The following ERC1 variants were observed in gnomAD, a reference collection of about 807,000 sequenced individuals.
ERC1 encodes RAB6 interacting protein 2.
Under a neutral mutation model 132.0 loss-of-function variants are expected in ERC1, and 56 were observed. That is an observed-to-expected ratio of 0.42 (90% confidence interval 0.34 to 0.53). The LOEUF is 0.53. Ranked by LOEUF, ERC1 falls within the 20% of genes least tolerant of loss-of-function variation. The pLI is 0.03. For missense variants in ERC1, 1,202 were observed against 1,349.9 expected (o/e 0.89, Z 1.72); for synonymous variants, 478 against 476.1 (o/e 1.00, Z -0.05).
intron 12 of ERC1, among the ~76,000 whole-genome samples, chr12:1,219,198 T>A (rs1958723963): frequency 6.6e-6 from 1 of 152,128 alleles, no homozygotes; most frequent in South Asian, 2.1e-4. Context: ...TCTAAGGCAT[T>A]CATTATCAAA....
At chr12:1,092,735 C>T (rs768823854) in intron 3 of ERC1, among the ~76,000 whole-genome samples, 5 of 152,250 alleles carry the variant, frequency 3.3e-5, no homozygotes, top group South Asian at 2.1e-4. Flanking sequence ...CCAAGGCGGG[C>T]GGATCGCCTG....
At chr12:1,370,949 G>T (rs1339133506) in intron 15 of ERC1, among the ~76,000 whole-genome samples, 1 of 152,186 alleles carries the variant, frequency 6.6e-6, no homozygotes, top group African/African-American at 2.4e-5. Context: ...CTGGCCTCAA[G>T]TGATCCACCC....
chr12:1,388,345 C>CAAAA (rs34634557), intron 16 of ERC1, among the ~76,000 whole-genome samples: 11 of 85,052 alleles, frequency 1.3e-4, no homozygotes, highest in Non-Finnish European at 1.5e-4. Flanking sequence ...GACTCTGTCT[C>CAAAA]AAAAAAAAAA....
intron 6 of ERC1, 160 bp from the exon 7 acceptor site, chr12:1,115,706 G>A (rs1486615954): frequency 1.6e-5 from 9 of 555,414 alleles, no homozygotes. Flanking sequence ...TCAGGGTTGG[G>A]GAGATCCAAG....
At chr12:1,405,828 A>T (rs886664760) in intron 16 of ERC1, among the ~76,000 whole-genome samples, 2 of 152,128 alleles carry the variant, frequency 1.3e-5, no homozygotes, top group Admixed American at 6.6e-5. Flanking sequence ...AGACGGGGGG[A>T]TCACTTAAGG....
intron 2 of ERC1, among the ~76,000 whole-genome samples, chr12:1,028,974 T>C (rs1967448117): frequency 6.6e-6 from 1 of 152,122 alleles, no homozygotes; most frequent in Non-Finnish European, 1.5e-5. Context: ...TTTGTCATAA[T>C]GTCAAAAAGT....
At chr12:1,144,506 G>T (rs2968892) in intron 8 of ERC1, among the ~76,000 whole-genome samples, 1 of 151,462 alleles carries the variant, frequency 6.6e-6, no homozygotes, top group Non-Finnish European at 1.5e-5. Flanking sequence ...GCAATGTTTG[G>T]TTTTCCATTC....
intron 17 of ERC1, among the ~76,000 whole-genome samples, chr12:1,426,554 G>A (rs2092647928): frequency 6.6e-6 from 1 of 152,070 alleles, no homozygotes; most frequent in Admixed American, 6.5e-5. Context: ...AATTACTTTT[G>A]AATAACTTGC....
At chr12:1,440,334 A>G (rs374409393) in intron 17 of ERC1, among the ~76,000 whole-genome samples, 2,650 of 146,516 alleles carry the variant, frequency 0.018, 97 homozygotes, top group African/African-American at 0.065. Flanking sequence ...CCTCCCGAGT[A>G]GCTGGGACTA....
At chr12:1,341,918 T>C (rs2083938252) in intron 15 of ERC1, among the ~76,000 whole-genome samples, 1 of 152,190 alleles carries the variant, frequency 6.6e-6, no homozygotes, top group Non-Finnish European at 1.5e-5. Context: ...AAAACTTCGT[T>C]TGAACTTAAG....
intron 12 of ERC1, among the ~76,000 whole-genome samples, chr12:1,200,652 G>A (rs1956825367): frequency 6.6e-6 from 1 of 151,556 alleles, no homozygotes; most frequent in South Asian, 2.1e-4. Context: ...TCCGCCTCCC[G>A]GGTTCACACC....
intron 18 of ERC1, among the ~76,000 whole-genome samples, chr12:1,449,725 A>G (rs1002340078): frequency 4.6e-5 from 7 of 152,182 alleles, no homozygotes; most frequent in Admixed American, 1.3e-4. Flanking sequence ...ACATATATCA[A>G]ATCAGTAATT....
At chr12:1,140,947 T>C (rs559091664) in intron 7 of ERC1, among the ~76,000 whole-genome samples, 5 of 152,326 alleles carry the variant, frequency 3.3e-5, no homozygotes, top group African/African-American at 4.8e-5. Context: ...TGACTTATTA[T>C]TTTCCTGTTG....
chr12:1,263,935 C>G (rs1216817624), intron 14 of ERC1, among the ~76,000 whole-genome samples: 1 of 152,012 alleles, frequency 6.6e-6, no homozygotes, highest in Non-Finnish European at 1.5e-5. Flanking sequence ...GGTGATCCAC[C>G]TGCCCCGGCT....
At chr12:1,487,990 T>C (rs1316179991) in intron 18 of ERC1, among the ~76,000 whole-genome samples, 2 of 151,422 alleles carry the variant, frequency 1.3e-5, no homozygotes, top group Non-Finnish European at 2.9e-5. Flanking sequence ...TATAAAAAAT[T>C]AGCTGGGCGT....
chr12:1,201,796 T>C (rs1265307695), intron 12 of ERC1, among the ~76,000 whole-genome samples: 1 of 152,232 alleles, frequency 6.6e-6, no homozygotes, highest in Non-Finnish European at 1.5e-5. Context: ...GCTATATAAT[T>C]CATGAGGAAA....
At chr12:1,040,835 T>G (rs1970084817) in intron 2 of ERC1, among the ~76,000 whole-genome samples, 1 of 152,192 alleles carries the variant, frequency 6.6e-6, no homozygotes, top group Non-Finnish European at 1.5e-5. Context: ...TCAGCCTTAA[T>G]GTACACAGTG....
At chr12:1,173,618 T>C (rs1045771993) in intron 8 of ERC1, among the ~76,000 whole-genome samples, 17 of 152,302 alleles carry the variant, frequency 1.1e-4, no homozygotes, top group African/African-American at 4.1e-4. Flanking sequence ...TGAATTAGTA[T>C]AGAATAGACT....
chr12:1,272,946 TAAAAAAAAAA>T (rs56750908), intron 14 of ERC1, among the ~76,000 whole-genome samples: 5 of 87,776 alleles, frequency 5.7e-5, no homozygotes, highest in East Asian at 4.5e-4. Context: ...AGACTCCGTC[TAAAAAAAAAA>T]AAAAAAAAAA....
Sources: gnomAD v4.1 joint callset for allele counts (sites outside exome capture counted in the v4.1 genomes callset) on GRCh38, gnomAD v4.1.1 for gene constraint, MANE v1.5 for transcripts, NCBI Gene and HGNC (gene_info 2026-07-23, HGNC 2026-07-21) for gene names.